The following HOMER1 variants were observed in gnomAD, a reference collection of about 807,000 sequenced individuals.
The protein encoded by HOMER1 is homer scaffold protein 1.
A neutral mutation model predicts 48.9 loss-of-function variants in HOMER1; 3 were observed. That is an observed-to-expected ratio of 0.06 (90% CI 0.03 to 0.16). The LOEUF (loss-of-function observed/expected upper bound fraction) is 0.16. Ranked by LOEUF, HOMER1 falls within the 10% of genes least tolerant of loss-of-function variation. The probability of loss-of-function intolerance (pLI) is 1.00; values close to 1 mark genes in which losing one functional copy is unlikely to be tolerated. For missense variants in HOMER1, 247 were observed against 411.4 expected, an observed-to-expected ratio of 0.60 and a Z score of 3.46; for synonymous variants, 134 against 146.4, an observed-to-expected ratio of 0.92 and a Z score of 0.61.
At chr5:79,426,935 A>G (rs1296147072) in intron 5 of HOMER1, among the ~76,000 whole-genome samples, 1 of 152,188 alleles carries the variant, frequency 6.6e-6, no homozygotes. Context: ...ACTATAATGT[A>G]TCCATAAAAA....
At chr5:79,510,996 G>A (rs1752927459) in intron 1 of HOMER1, 2 of 389,948 alleles carry the variant, frequency 5.1e-6, no homozygotes, top group East Asian at 7.9e-5. Context: ...TGTGCTATTT[G>A]TACAAAGAAA....
chr5:79,389,867 T>C (rs893568761), intron 8 of HOMER1, among the ~76,000 whole-genome samples: 1 of 152,120 alleles, frequency 6.6e-6, no homozygotes, highest in Non-Finnish European at 1.5e-5. Flanking sequence ...ATAATCTGTT[T>C]AGTATTCTGA....
intron 4 of HOMER1, among the ~76,000 whole-genome samples, chr5:79,439,385 T>TACAATTTAGAAACGGAAATATAAC (rs1174711599): frequency 6.6e-5 from 10 of 152,232 alleles, no homozygotes; most frequent in African/African-American, 1.9e-4. Flanking sequence ...CTCTGAAACA[T>TACAATTTAGAAACGGAAATATAAC]ACAATTTAGA....
At chr5:79,398,604 C>CT (rs935027812) in intron 6 of HOMER1, among the ~76,000 whole-genome samples, 46 of 152,042 alleles carry the variant, frequency 3.0e-4, no homozygotes, top group African/African-American at 6.8e-4. Context: ...TAATTATAAT[C>CT]TTTTTTTTGT....
At chr5:79,395,401 A>G (rs1005944119) in intron 8 of HOMER1, among the ~76,000 whole-genome samples, 13 of 152,172 alleles carry the variant, frequency 8.5e-5, no homozygotes, top group African/African-American at 1.4e-4. Flanking sequence ...TGTCTACTAG[A>G]TATCAGTGGC....
intron 5 of HOMER1, among the ~76,000 whole-genome samples, chr5:79,409,802 A>G (rs988632066): frequency 2.0e-5 from 3 of 152,198 alleles, no homozygotes; most frequent in Admixed American, 2.0e-4. Context: ...AGGAAATGCA[A>G]ATCAAAACCA....
chr5:79,431,339 A>T (rs144315988), intron 5 of HOMER1, among the ~76,000 whole-genome samples: 4 of 141,648 alleles, frequency 2.8e-5, no homozygotes, highest in Admixed American at 2.2e-4. Context: ...CAAACAACAC[A>T]TGCTAAGTGA....
Position 79,396,814 on chromosome 5 carries a change from A to G in HOMER1, c.876+9T>C. 6.5e-7 allele frequency: 1 copy of G among 1,540,390 alleles called. No homozygotes were observed. Among genetic ancestry groups the G allele is most frequent in the Non-Finnish European group, 8.9e-7 (1 of 1,117,784 alleles). On this transcript the variant is annotated intron_variant, in intron 8 of 8. Coordinates refer to ENST00000334082, the MANE Select transcript of HOMER1 (RefSeq NM_004272.5). ...GCAGAAGTGAATAACAATTTTTACT[A>G]CAGCTCACCTGTAGTTTCTGAGTCA...
At chr5:79,430,806 G>T (rs187731214) in intron 5 of HOMER1, among the ~76,000 whole-genome samples, 1 of 151,068 alleles carries the variant, frequency 6.6e-6, no homozygotes, top group African/African-American at 2.4e-5. Context: ...GCATGGTGGC[G>T]CACGCCTGTA....
intron 3 of HOMER1, among the ~76,000 whole-genome samples, chr5:79,450,446 T>G (rs913304788): frequency 1.3e-5 from 2 of 152,210 alleles, no homozygotes; most frequent in Admixed American, 1.3e-4. Flanking sequence ...TTTATTGGCC[T>G]TTCTGGTCAC....
At chr5:79,424,178 C>T (rs1580441430) in intron 5 of HOMER1, among the ~76,000 whole-genome samples, 2 of 151,948 alleles carry the variant, frequency 1.3e-5, no homozygotes, top group East Asian at 3.9e-4. Context: ...TTAATATTTG[C>T]TTTCTATAAT....
Position 79,391,771 on chromosome 5 carries a change from T to C in HOMER1, c.876+5052A>G, listed in dbSNP as rs551005756. ...AAAAAAAAAGAAAAGAAAAAGAAACTTCACAAAGTAGACACATCACTACTA... is the reference window on the plus strand; with the variant it reads ...AAAAAAAAAGAAAAGAAAAAGAAACCTCACAAAGTAGACACATCACTACTA... On this transcript the variant is annotated intron_variant, in intron 8 of 8. Transcript: ENST00000334082. Among the ~76,000 whole-genome samples, 272 of 150,894 alleles carry C rather than the reference T, an allele frequency of 1.8e-3. 2 individuals carry two copies. Among genetic ancestry groups the C allele is most frequent in the Non-Finnish European group, 3.1e-3 (208 of 67,736 alleles).
chr5:79,414,265 GTT>G (rs34592197), intron 5 of HOMER1, among the ~76,000 whole-genome samples: 1 of 148,278 alleles, frequency 6.7e-6, no homozygotes, highest in Non-Finnish European at 1.5e-5. Flanking sequence ...TTTTGTTTTT[GTT>G]TTTTTTTTGT....
chr5:79,385,775 G>A (rs909051983), intron 8 of HOMER1, among the ~76,000 whole-genome samples: 3 of 147,692 alleles, frequency 2.0e-5, no homozygotes, highest in East Asian at 2.0e-4. Context: ...CCTGGGAAGC[G>A]GAGCTTGCAG....
intron 5 of HOMER1, among the ~76,000 whole-genome samples, chr5:79,422,570 A>C (rs1403879605): frequency 6.6e-6 from 1 of 151,936 alleles, no homozygotes; most frequent in Admixed American, 6.6e-5. Flanking sequence ...TTCCTGAAAA[A>C]GCAGAAATTG....
At chr5:79,459,811 T>C (rs1751266787) in intron 1 of HOMER1, among the ~76,000 whole-genome samples, 1 of 152,110 alleles carries the variant, frequency 6.6e-6, no homozygotes, top group Non-Finnish European at 1.5e-5. Flanking sequence ...GATGCCTAAA[T>C]AGAGTTTGAA....
At chr5:79,482,945 G>A (rs977839634) in intron 1 of HOMER1, among the ~76,000 whole-genome samples, 5 of 152,136 alleles carry the variant, frequency 3.3e-5, no homozygotes, top group Non-Finnish European at 7.4e-5. Context: ...TGAGGCTGCA[G>A]TGAGCCGTGA....
At chr5:79,453,504 A>G (rs978107834) in intron 2 of HOMER1, among the ~76,000 whole-genome samples, 1 of 152,226 alleles carries the variant, frequency 6.6e-6, no homozygotes, top group Non-Finnish European at 1.5e-5. Context: ...TTAAAATGAT[A>G]GATGATCCCA....
intron 5 of HOMER1, among the ~76,000 whole-genome samples, chr5:79,413,678 G>T: frequency 7.1e-6 from 1 of 141,000 alleles, no homozygotes; most frequent in South Asian, 2.3e-4. Context: ...TGCAATGAAT[G>T]AATAAATTTT....
Sources: allele counts gnomAD v4.1 joint callset (sites outside exome capture counted in the v4.1 genomes callset), GRCh38; gene constraint gnomAD v4.1.1; transcripts MANE v1.5; gene names NCBI Gene and HGNC (gene_info 2026-07-23, HGNC 2026-07-21).